Variants in TECRL observed in about 807,000 individuals in gnomAD.
TECRL encodes the protein trans-2,3-enoyl-CoA reductase-like.
TECRL carries 63 observed loss-of-function variants against 52.8 expected under a neutral mutation model. The observed-to-expected ratio is 1.19, with a 90% CI of 0.97 to 1.47. TECRL has a LOEUF of 1.47. Ranked by LOEUF, TECRL falls within the 40% of genes most tolerant of loss-of-function variation. TECRL has a pLI of 0.00. For missense variants in TECRL, 482 were observed against 429.6 expected, an observed-to-expected ratio of 1.12 and a Z score of -1.08; for synonymous variants, 164 against 141.9, an observed-to-expected ratio of 1.16 and a Z score of -1.10.
intron 2 of TECRL, among the ~76,000 whole-genome samples, chr4:64,367,782 A>T (rs1010796354): frequency 1.2e-4 from 18 of 152,300 alleles, no homozygotes; most frequent in African/African-American, 2.6e-4. Context: ...AGAAATTTTT[A>T]AAATTTTTTC....
At chr4:64,393,949 A>G (rs1403685941) in intron 1 of TECRL, among the ~76,000 whole-genome samples, 1 of 152,072 alleles carries the variant, frequency 6.6e-6, no homozygotes, top group Non-Finnish European at 1.5e-5. Flanking sequence ...ATGTCTAAAT[A>G]TATGTATATA....
At chr4:64,299,656 T>C (rs1723890777) in intron 8 of TECRL, among the ~76,000 whole-genome samples, 2 of 151,066 alleles carry the variant, frequency 1.3e-5, no homozygotes, top group African/African-American at 4.8e-5. Flanking sequence ...CTGTAAGATT[T>C]GCAAAAAATT....
At chr4:64,371,929 A>G (rs1722002051) in intron 2 of TECRL, among the ~76,000 whole-genome samples, 1 of 151,852 alleles carries the variant, frequency 6.6e-6, no homozygotes, top group Non-Finnish European at 1.5e-5. Context: ...GACGATAGAA[A>G]TAGAGTGGTA....
chr4:64,337,291 C>A (rs541489401), intron 2 of TECRL, among the ~76,000 whole-genome samples: 1 of 152,134 alleles, frequency 6.6e-6, no homozygotes, highest in South Asian at 2.1e-4. Flanking sequence ...ATAATAAGAG[C>A]TATTTATGAC....
chr4:64,355,581 G>C (rs1245588626), intron 2 of TECRL, among the ~76,000 whole-genome samples: 1 of 151,888 alleles, frequency 6.6e-6, no homozygotes, highest in South Asian at 2.1e-4. Context: ...GGCAGATGAC[G>C]ATGTCAGGAG....
intron 2 of TECRL, among the ~76,000 whole-genome samples, chr4:64,362,041 A>C (rs1353030310): frequency 6.6e-6 from 1 of 152,206 alleles, no homozygotes; most frequent in Non-Finnish European, 1.5e-5. Context: ...AATTCACTAC[A>C]GGAATTTCAA....
At chr4:64,370,838 G>C (rs62408523) in intron 2 of TECRL, among the ~76,000 whole-genome samples, 1 of 151,730 alleles carries the variant, frequency 6.6e-6, no homozygotes, top group East Asian at 1.9e-4. Flanking sequence ...CATGTGCTTA[G>C]TAATATGCTA....
rs149977756 is a variant in TECRL at position 64,355,912 on chromosome 4, G to C, written c.286+19260C>G. On this transcript the variant is annotated intron_variant, in intron 2 of 11. Transcript: ENST00000381210. ...AAGAAAGAGAGATCAGGCTGTTACT[G>C]TGTCTATGTAGAAAGGAAAGACATA... Among the ~76,000 whole-genome samples, 383 of 152,158 alleles carry C rather than the reference G, an allele frequency of 2.5e-3. 1 individual carries two copies. Among genetic ancestry groups the C allele is most frequent in the African/African-American group, 8.8e-3 (367 of 41,512 alleles).
intron 2 of TECRL, among the ~76,000 whole-genome samples, chr4:64,366,375 G>A (rs990154754): frequency 6.6e-6 from 1 of 152,002 alleles, no homozygotes; most frequent in African/African-American, 2.4e-5. Flanking sequence ...TGACAAAGAT[G>A]CCAAAAGCAA....
chr4:64,338,895 A>G (rs1234000572), intron 2 of TECRL, among the ~76,000 whole-genome samples: 2 of 152,166 alleles, frequency 1.3e-5, no homozygotes, highest in Non-Finnish European at 2.9e-5. Flanking sequence ...GGGATCTAGA[A>G]CTAGAAATAC....
chr4:64,382,259 TTA>T (rs1251723217), intron 1 of TECRL, among the ~76,000 whole-genome samples: 3 of 143,616 alleles, frequency 2.1e-5, no homozygotes, highest in South Asian at 2.1e-4. Flanking sequence ...ATAATATATA[TTA>T]TGTTATATAT....
intron 1 of TECRL, among the ~76,000 whole-genome samples, chr4:64,386,794 G>T (rs1317876779): frequency 6.6e-6 from 1 of 152,010 alleles, no homozygotes; most frequent in Non-Finnish European, 1.5e-5. Context: ...AGCAGTTTTA[G>T]GTTCACAGCA....
chr4:64,394,900 A>T (rs1321677689), intron 1 of TECRL, among the ~76,000 whole-genome samples: 1 of 150,164 alleles, frequency 6.7e-6, no homozygotes, highest in Non-Finnish European at 1.5e-5. Context: ...TCAAAAAATT[A>T]ACAAGCATTT....
chr4:64,371,958 T>A (rs1396870695), intron 2 of TECRL, among the ~76,000 whole-genome samples: 2 of 151,900 alleles, frequency 1.3e-5, no homozygotes, highest in Admixed American at 1.3e-4. Context: ...CTAGAATAAA[T>A]AATAGAGACA....
At position 64,322,812 on chromosome 4, in the gene TECRL, A is replaced by C; in HGVS notation, c.332-20T>G. On this transcript the variant is annotated intron_variant, in intron 3 of 11. Coordinates refer to ENST00000381210, the MANE Select transcript of TECRL (RefSeq NM_001010874.5). ...GCCCGCCTAAAATAAAAATAACAAG[A>C]AAATTTTATTTTAATACAATTTCTT... The C allele has an allele frequency of 1.3e-6, 2 of 1,545,216 alleles. No individual in the cohort carries two copies. Among genetic ancestry groups the C allele is most frequent in the Non-Finnish European group, 8.8e-7 (1 of 1,135,660 alleles).
At chr4:64,394,667 T>G (rs983508502) in intron 1 of TECRL, among the ~76,000 whole-genome samples, 4 of 152,076 alleles carry the variant, frequency 2.6e-5, no homozygotes, top group Non-Finnish European at 5.9e-5. Context: ...TTTCCATACT[T>G]GTCCTTAACC....
intron 2 of TECRL, among the ~76,000 whole-genome samples, chr4:64,336,707 G>T (rs889727993): frequency 6.6e-6 from 1 of 152,114 alleles, no homozygotes; most frequent in African/African-American, 2.4e-5. Flanking sequence ...GGTATGTTGT[G>T]TCTTTGTTCT....
chr4:64,380,295 T>C (rs2109702179), intron 1 of TECRL, among the ~76,000 whole-genome samples: 1 of 152,166 alleles, frequency 6.6e-6, no homozygotes, highest in African/African-American at 2.4e-5. Flanking sequence ...TTTAGTTGCT[T>C]ATTTAGTTCT....
chr4:64,307,176 A>C (rs1031578521), intron 6 of TECRL, among the ~76,000 whole-genome samples: 3 of 152,096 alleles, frequency 2.0e-5, no homozygotes, highest in Non-Finnish European at 4.4e-5. Flanking sequence ...TCCATTACCT[A>C]TCAGTGAAGG....
Sources: allele counts gnomAD v4.1 joint callset (sites outside exome capture counted in the v4.1 genomes callset), GRCh38; gene constraint gnomAD v4.1.1; transcripts MANE v1.5; gene names NCBI Gene and HGNC (gene_info 2026-07-23, HGNC 2026-07-21).